The following USP8 variants were observed in gnomAD, a reference collection of about 807,000 sequenced individuals.
The protein encoded by USP8 is ubiquitin specific peptidase 8, also known as ubiquitin carboxyl-terminal hydrolase 8.
USP8 carries 27 observed loss-of-function variants against 130.0 expected under a neutral mutation model. The observed-to-expected ratio is 0.21, with a 90% CI of 0.15 to 0.29. The LOEUF is 0.29. USP8 is among the 10% of genes least tolerant of loss of function. The pLI, the probability that USP8 is intolerant of heterozygous loss-of-function variation, is 1.00. For synonymous variants in USP8, 392 were observed against 444.1 expected, an observed-to-expected ratio of 0.88 and a Z score of 1.48; for missense variants, 1,029 against 1,312.2, an observed-to-expected ratio of 0.78 and a Z score of 3.33.
chr15:50,448,871 A>C (rs3098204), intron 3 of USP8, among the ~76,000 whole-genome samples: 31,207 of 152,074 alleles, frequency 0.21, 3,728 homozygotes, highest in East Asian at 0.46. Flanking sequence ...TTAGTTGCTT[A>C]GAGTTTCCTA....
rs375181185 is a variant in USP8, at chr15:50,459,145, A to G, written c.481A>G (p.Lys161Glu). The change falls in exon 5 of 20, where the codon AAA (lysine) becomes GAA (glutamate). Residue 161 changes from lysine (K) to glutamate (E), a missense_variant. Lys to Glu is a moderately conservative substitution (Grantham distance 56). Transcript: ENST00000307179. The part of the protein sequence containing the change: ...KGSLENVLDS[K>E]DKTQKSNGEK... ...CTCTTTGGAGAATGTTTTGGATTCC[A>G]AAGACAAAACCCAAAAGGTATTTCA... 1.2e-6 allele frequency: 2 copies of G among 1,607,492 alleles called. No homozygotes were observed. The highest frequency in any genetic ancestry group is 1.7e-6 in the Non-Finnish European group (2 of 1,178,586).
chr15:50,487,355 G>T (rs2052002218), intron 12 of USP8, among the ~76,000 whole-genome samples: 1 of 146,892 alleles, frequency 6.8e-6, no homozygotes, highest in South Asian at 2.2e-4. Context: ...AACAATAAGA[G>T]AAAATGAAGA....
intron 3 of USP8, among the ~76,000 whole-genome samples, chr15:50,445,569 A>AAAAT (rs56369706): frequency 7.8e-6 from 1 of 128,320 alleles, no homozygotes; most frequent in Non-Finnish European, 1.6e-5. Flanking sequence ...AAAAAAAAAA[A>AAAAT]GCCTGGGCAC....
chr15:50,439,300 G>T, intron 2 of USP8, 123 bp downstream of exon 2: 1 of 605,168 alleles, frequency 1.7e-6, no homozygotes, highest in South Asian at 2.5e-5. Context: ...AATAAAGTAG[G>T]ACCTCCTTAG....
At chr15:50,428,628 A>G (rs1051974720) in intron 1 of USP8, among the ~76,000 whole-genome samples, 10 of 152,344 alleles carry the variant, frequency 6.6e-5, no homozygotes, top group Admixed American at 5.2e-4. Flanking sequence ...AATAATTACA[A>G]CAATATAGTG....
intron 1 of USP8, among the ~76,000 whole-genome samples, chr15:50,431,783 A>G (rs1245244374): frequency 6.6e-6 from 1 of 152,058 alleles, no homozygotes; most frequent in Non-Finnish European, 1.5e-5. Flanking sequence ...CAGCCTCCTG[A>G]GTAGGTGGAA....
At chr15:50,467,819 A>C (rs905023096) in intron 7 of USP8, among the ~76,000 whole-genome samples, 1 of 151,950 alleles carries the variant, frequency 6.6e-6, no homozygotes, top group African/African-American at 2.4e-5. Context: ...AGCCTCCCAG[A>C]GTGCTGGGAT....
intron 1 of USP8, among the ~76,000 whole-genome samples, chr15:50,425,814 T>C (rs1237583591): frequency 6.6e-6 from 1 of 152,178 alleles, no homozygotes; most frequent in Non-Finnish European, 1.5e-5. Flanking sequence ...TTAATCTTTA[T>C]GGGCATTTGT....
chr15:50,433,858 G>A (rs920798451), intron 1 of USP8, among the ~76,000 whole-genome samples: 7 of 152,318 alleles, frequency 4.6e-5, no homozygotes, highest in Admixed American at 1.3e-4. Context: ...GCCCGCCTTG[G>A]CCTCCCAAAG....
Position 50,500,200 on chromosome 15 carries a change from T to C in USP8, c.*1112T>C, listed in dbSNP as rs144563567. The C allele has an allele frequency of 3.8e-4, 58 of 152,334 alleles. No homozygotes were observed. The highest frequency in any genetic ancestry group is 1.3e-3 in the African/African-American group (55 of 41,572). The allele number at this position is 152,334 out of a possible 1,614,324, so 9.4% of individuals were successfully genotyped here. A position where few individuals can be genotyped will look rare whatever the true frequency, so the allele number is the denominator to read the frequency against. On this transcript the variant is annotated 3_prime_UTR_variant, in exon 20 of 20. Transcript: ENST00000307179. ...TGTGAAGCTGACAACTTTTCATGTT[T>C]TACAATTAGTCTAAGAGACCACTTC...
intron 10 of USP8, among the ~76,000 whole-genome samples, chr15:50,478,899 A>G (rs1314063745): frequency 6.6e-6 from 1 of 152,016 alleles, no homozygotes; most frequent in Non-Finnish European, 1.5e-5. Flanking sequence ...TACTGAAAAT[A>G]CCAAAATTAG....
At chr15:50,425,660 T>A (rs1318731956) in intron 1 of USP8, among the ~76,000 whole-genome samples, 6 of 150,014 alleles carry the variant, frequency 4.0e-5, no homozygotes, top group Non-Finnish European at 7.4e-5. Context: ...TGTAGTAGTT[T>A]AAAAAAAAAA....
At chr15:50,456,746 C>CACA (rs76157949) in intron 4 of USP8, among the ~76,000 whole-genome samples, 21,763 of 151,928 alleles carry the variant, frequency 0.14, 1,989 homozygotes, top group Middle Eastern at 0.28. Flanking sequence ...ATTAGCTGGG[C>CACA]ACAATGGCAT....
intron 4 of USP8, 135 bp downstream of exon 4, chr15:50,449,620 C>G: frequency 1.2e-5 from 6 of 507,700 alleles, no homozygotes; most frequent in Non-Finnish European, 1.8e-5. Flanking sequence ...CGCTGTCTGT[C>G]GCCCATGCTG....
rs183362860 is a variant in USP8, at chr15:50,492,640, T to C, written c.2235-61T>C. 1.0e-5 allele frequency: 16 copies of C among 1,561,496 alleles called. No homozygotes were observed. The Admixed American group carries it at 1.6e-4, about 16-fold the overall frequency. ...CTACAGTTTGCTGCCATTTATAGTA[T>C]AGAACCTTAATTTCATATGCTCAGC... On this transcript the variant is annotated intron_variant, in intron 14 of 19. Coordinates refer to ENST00000307179, the MANE Select transcript of USP8 (RefSeq NM_005154.5).
intron 7 of USP8, among the ~76,000 whole-genome samples, chr15:50,468,361 G>GGCA (rs1440824869): frequency 6.7e-6 from 1 of 150,064 alleles, no homozygotes; most frequent in Non-Finnish European, 1.5e-5. Context: ...TCATGTCTCA[G>GGCA]CCTCCCAAGT....
In USP8 at chr15:50,509,230, T is replaced by TG. The variant is rs2052706591; in HGVS notation, c.*10144dup. On this transcript the variant is annotated 3_prime_UTR_variant, in exon 20 of 20. Transcript: ENST00000307179. ...TACTTGGGAGGCTGAGGTGGGAGGA[T>TG]GGCTCGAGCCTGGGAGGCAGAGGTT... 6.7e-6 allele frequency: 1 copy of TG among 148,650 alleles called. No homozygotes were observed. 9.2% of individuals were successfully genotyped at this position (148,650 alleles called of 1,614,324 possible). A position where few individuals can be genotyped will look rare whatever the true frequency, so the allele number is the denominator to read the frequency against.
rs1282329048 is a variant in USP8, at chr15:50,505,615, A to G, written c.*6527A>G. The G allele has an allele frequency of 6.6e-6, 1 of 152,246 alleles. No individual in the cohort carries two copies. The highest frequency in any genetic ancestry group is 1.5e-5 in the Non-Finnish European group (1 of 68,056). 9.4% of individuals were successfully genotyped at this position (152,246 alleles called of 1,614,324 possible). ...TGAAGATCCGGGCAAATATAACCCA[A>G]TATGAACAGTAGAAAACCATGATAA... On this transcript the variant is annotated 3_prime_UTR_variant, in exon 20 of 20. Coordinates refer to ENST00000307179, the MANE Select transcript of USP8 (RefSeq NM_005154.5).
chr15:50,449,080 T>C (rs1425544610), intron 3 of USP8, among the ~76,000 whole-genome samples: 2 of 152,210 alleles, frequency 1.3e-5, no homozygotes, highest in African/African-American at 2.4e-5. Flanking sequence ...TAAGAAAATA[T>C]ACTTTATTCT....
Sources: gnomAD v4.1 joint callset for allele counts (sites outside exome capture counted in the v4.1 genomes callset) on GRCh38, gnomAD v4.1.1 for gene constraint, MANE v1.5 for transcripts, NCBI Gene and HGNC (gene_info 2026-07-23, HGNC 2026-07-21) for gene names.